USP54: variants seen among roughly 807,000 people sequenced by gnomAD.
The protein encoded by USP54 is ubiquitin specific peptidase 54, also known as ubiquitin carboxyl-terminal hydrolase 54.
In USP54, 87 loss-of-function variants were observed where a neutral mutation model predicts 170.5. That is an observed-to-expected ratio of 0.51 (90% confidence interval 0.43 to 0.61). The LOEUF (loss-of-function observed/expected upper bound fraction) is 0.61, where lower values mean the gene tolerates loss of function less well. Among genes scored for constraint, USP54 ranks in the 20% least tolerant of loss-of-function variants. The pLI is 0.00. For synonymous variants in USP54, 655 were observed against 742.8 expected (o/e 0.88, Z 1.92); for missense variants, 1,786 against 2,047.8 (o/e 0.87, Z 2.47).
intron 1 of USP54, among the ~76,000 whole-genome samples, chr10:73,590,441 T>C (rs1379449191): frequency 1.3e-5 from 2 of 152,104 alleles, no homozygotes; most frequent in African/African-American, 4.8e-5. Context: ...AATCCAAAGC[T>C]CATCACTTAT....
chr10:73,603,142 G>A lies in USP54; in HGVS notation c.-18+22425C>T, dbSNP rs1174358368. Among the ~76,000 whole-genome samples the A allele has an allele frequency of 2.6e-5, 4 of 152,228 alleles. No individual in the cohort carries two copies. The East Asian group carries it at 7.7e-4, about 29-fold the overall frequency. ...AGGCTGTCTAAGGAGTATAAACTAT[G>A]TCAGAGAAAAATCAAATTCATTAGT... On this transcript the variant is annotated intron_variant, in intron 1 of 22. Transcript: ENST00000339859.
At chr10:73,599,411 A>G (rs969319285) in intron 1 of USP54, among the ~76,000 whole-genome samples, 8 of 152,194 alleles carry the variant, frequency 5.3e-5, no homozygotes, top group African/African-American at 1.9e-4. Flanking sequence ...TTAATACTGC[A>G]TATCATGTTT....
intron 1 of USP54, among the ~76,000 whole-genome samples, chr10:73,583,546 A>T (rs751574861): frequency 6.6e-6 from 1 of 152,180 alleles, no homozygotes; most frequent in Non-Finnish European, 1.5e-5. Context: ...TCAGCCTCCC[A>T]AAGTGCTGGG....
rs1335103527 is a variant in USP54 at position 73,499,195 on chromosome 10, A to C, written c.4496-7T>G. On this transcript the variant is annotated splice_region_variant and splice_polypyrimidine_tract_variant and intron_variant, in intron 23 of 23. Transcript: ENST00000687698. ...TGGACACTCCTTGAAGTTCCTGGGG[A>C]AAGAAAAGAAACCCAAAGACTGAGC... 6.3e-7 allele frequency: 1 copy of C among 1,580,872 alleles called. No homozygotes were observed. The highest frequency in any genetic ancestry group is 8.6e-7 in the Non-Finnish European group (1 of 1,166,654).
rs202156218 is a variant in USP54, at chr10:73,545,628, T to C, written c.285A>G (p.Pro95=). 1.7e-4 allele frequency: 268 copies of C among 1,614,110 alleles called. No individual in the cohort carries two copies. The highest frequency in any genetic ancestry group is 2.2e-4 in the Non-Finnish European group (254 of 1,180,036). The change falls in exon 5 of 24, where the codon CCA becomes CCG. Residue 95 remains proline, a synonymous_variant. Coordinates refer to ENST00000687698, the MANE Select transcript of USP54 (RefSeq NM_001391956.1). ...QFQCSSEKVL[P]SDTLRSALAK... ...CCAGAGCACTGCGGAGAGTGTCAGA[T>C]GGAAGCACTTTTTCACTACTACACT...
At position 73,530,763 on chromosome 10, in the gene USP54, C is replaced by A. The variant is rs1010982452; in HGVS notation, c.1388G>T (p.Ser463Ile). The A allele has an allele frequency of 6.2e-7, 1 of 1,614,084 alleles. No homozygotes were observed. The highest frequency in any genetic ancestry group is 1.7e-5 in the Admixed American group (1 of 60,024). Residue 463 changes from serine (S) to isoleucine (I), a missense_variant, in exon 13 of 24, where the codon AGC becomes ATC. Ser to Ile is a moderately radical substitution (Grantham distance 142). Transcript: ENST00000687698. Reference sequence around the variant, plus strand: ...GCCTTTCCTCCTAACCCGACCAGAGCTCCTCTTGCGCTCTATCAGTGACCC... The same window carrying A: ...GCCTTTCCTCCTAACCCGACCAGAGATCCTCTTGCGCTCTATCAGTGACCC... ...KKGSLIERKRSSGRVRRKGDE... is the reference protein window; with the variant it reads ...KKGSLIERKRISGRVRRKGDE...
At chr10:73,560,965 C>T (rs1405681088) in intron 4 of USP54, among the ~76,000 whole-genome samples, 1 of 150,714 alleles carries the variant, frequency 6.6e-6, no homozygotes, top group Non-Finnish European at 1.5e-5. Flanking sequence ...ATTAGCCGGG[C>T]GTGGTGGCAG....
chr10:73,602,855 C>CA (rs60433926), intron 1 of USP54, among the ~76,000 whole-genome samples: 2,501 of 41,032 alleles, frequency 0.061, 184 homozygotes, highest in Non-Finnish European at 0.077. Context: ...GACTCTGTCT[C>CA]AAAAAAAAAA....
intron 20 of USP54, chr10:73,513,538 A>C (rs1308848916): frequency 6.6e-6 from 1 of 152,158 alleles, no homozygotes; most frequent in African/African-American, 2.4e-5. Context: ...ATTACAGTAC[A>C]TTCATATGAA....
chr10:73,562,973 A>G (rs983783584), intron 4 of USP54, among the ~76,000 whole-genome samples: 10 of 151,906 alleles, frequency 6.6e-5, no homozygotes, highest in Admixed American at 2.6e-4. Flanking sequence ...TTTCTTTTAG[A>G]GATAGACCCT....
At position 73,523,714 on chromosome 10, in the gene USP54, A is replaced by T; in HGVS notation, c.2231T>A (p.Leu744Ter). 6.2e-7 allele frequency: 1 copy of T among 1,613,816 alleles called. No individual in the cohort carries two copies. Among genetic ancestry groups the T allele is most frequent in the Non-Finnish European group, 8.5e-7 (1 of 1,179,834 alleles). ...CGCCCTCCTGGCCACCTCTTCCTGC[A>T]ATTCATCCAGTTCACTTTTAGAAGA... is the stretch of plus-strand genomic sequence containing the variant. ...EISSKSELDE[L>*]QEEVARRAQE... The change falls in exon 17 of 24, where the codon TTG becomes TAG. Residue 744 changes from leucine (L) to a stop codon, truncating the protein, a stop_gained. Transcript: ENST00000687698. LOFTEE classifies it high-confidence loss of function.
At chr10:73,574,167 A>G (rs550217916) in intron 3 of USP54, among the ~76,000 whole-genome samples, 3 of 152,316 alleles carry the variant, frequency 2.0e-5, no homozygotes, top group African/African-American at 7.2e-5. Flanking sequence ...GAGCAGACAG[A>G]CAGAAAGCTT....
At chr10:73,624,198 A>ATGTATTTT (rs1554955712) in intron 1 of USP54, among the ~76,000 whole-genome samples, 1 of 102,494 alleles carries the variant, frequency 9.8e-6, no homozygotes, top group African/African-American at 4.1e-5. Flanking sequence ...ATATATATGT[A>ATGTATTTT]TTTTTTTTTT....
chr10:73,580,473 G>A (rs1235578538), intron 1 of USP54, among the ~76,000 whole-genome samples: 1 of 152,032 alleles, frequency 6.6e-6, no homozygotes, highest in Non-Finnish European at 1.5e-5. Flanking sequence ...AAAATTATGG[G>A]ATTATGGGAC....
intron 3 of USP54, among the ~76,000 whole-genome samples, chr10:73,575,025 G>A (rs550085123): frequency 1.4e-4 from 22 of 152,102 alleles, no homozygotes; most frequent in Non-Finnish European, 3.2e-4. Context: ...AGGAGTTCGA[G>A]ACCAGCCTGG....
intron 1 of USP54, among the ~76,000 whole-genome samples, chr10:73,615,504 G>A (rs2080546891): frequency 6.6e-6 from 1 of 150,538 alleles, no homozygotes; most frequent in East Asian, 1.9e-4. Context: ...AATGAATGCT[G>A]AGAGGATGAA....
At chr10:73,619,789 GAAGTAT>G (rs1302811858) in intron 1 of USP54, among the ~76,000 whole-genome samples, 2 of 150,678 alleles carry the variant, frequency 1.3e-5, no homozygotes, top group Non-Finnish European at 2.9e-5. Context: ...GTACAAGTAG[GAAGTAT>G]AAGTACAGTT....
intron 3 of USP54, among the ~76,000 whole-genome samples, chr10:73,573,631 G>A (rs868009753): frequency 3.3e-5 from 5 of 152,292 alleles, no homozygotes; most frequent in Middle Eastern, 6.8e-3. Context: ...CAGCGTGGTG[G>A]TGCACAGCCT....
At position 73,565,118 on chromosome 10, in the gene USP54, G is replaced by A. The variant is rs1176490617; in HGVS notation, c.240+6303C>T. 2.0e-5 allele frequency among the ~76,000 whole-genome samples: 3 copies of A among 151,698 alleles called. No individual in the cohort carries two copies. The East Asian group carries it at 5.8e-4, about 30-fold the overall frequency. ...ATATGATTGTAGCTTTGGTACCTAA[G>A]TGATATAATCAGTAGTATCCCTACT... is the stretch of plus-strand genomic sequence containing the variant. On this transcript the variant is annotated intron_variant, in intron 4 of 23. Coordinates refer to ENST00000687698, the MANE Select transcript of USP54 (RefSeq NM_001391956.1).
Sources: gnomAD v4.1 joint callset for allele counts (sites outside exome capture counted in the v4.1 genomes callset) on GRCh38, gnomAD v4.1.1 for gene constraint, MANE v1.5 for transcripts, NCBI Gene and HGNC (gene_info 2026-07-23, HGNC 2026-07-21) for gene names.